The following DPYSL2 variants were observed in gnomAD, a reference collection of about 807,000 sequenced individuals.
DPYSL2 encodes the protein dihydropyrimidinase like 2.
In DPYSL2, 13 loss-of-function variants were observed where a neutral mutation model predicts 69.9. The ratio of observed to expected loss-of-function variants is 0.19; its 90% CI spans 0.12 to 0.30. The LOEUF (loss-of-function observed/expected upper bound fraction) is 0.30. DPYSL2 is among the 10% of genes least tolerant of loss of function. DPYSL2 has a pLI of 1.00. For synonymous variants in DPYSL2, 326 were observed against 359.1 expected, an observed-to-expected ratio of 0.91 and a Z score of 1.04; for missense variants, 587 against 918.9, an observed-to-expected ratio of 0.64 and a Z score of 4.67.
In DPYSL2 at chr8:26,643,347, G is replaced by A. The variant is rs1803094045; in HGVS notation, c.1127-92G>A. 3 of 1,368,642 alleles carry A rather than the reference G, an allele frequency of 2.2e-6. No homozygotes were observed. The highest frequency in any genetic ancestry group is 3.0e-6 in the Non-Finnish European group (3 of 1,005,436). The allele number at this position is 1,368,642 out of a possible 1,614,324, so 84.8% of individuals were successfully genotyped here. ...CCTATAAAGGGATAGTGAGTGCACT[G>A]GGTGCTGCTGGGCAGGCAGTGGCTC... On this transcript the variant is annotated intron_variant, in intron 8 of 13. Coordinates refer to ENST00000521913, the MANE Select transcript of DPYSL2 (RefSeq NM_001197293.3). This position sits in a 1 kb window ranked among gnomAD's most constrained non-coding sequence, Gnocchi z 6.5.
At chr8:26,546,488 ATAAAT>A (rs1800769882) in intron 1 of DPYSL2, among the ~76,000 whole-genome samples, 1 of 152,170 alleles carries the variant, frequency 6.6e-6, no homozygotes, top group Admixed American at 6.5e-5. Flanking sequence ...TCTTTTAAAA[ATAAAT>A]TAGACACCTT....
At position 26,619,330 on chromosome 8, in the gene DPYSL2, C is replaced by T. The variant is rs1802430123; in HGVS notation, c.629-4813C>T. Among the ~76,000 whole-genome samples, 1 of 152,156 alleles carries T rather than the reference C, an allele frequency of 6.6e-6. No homozygotes were observed. Among genetic ancestry groups the T allele is most frequent in the African/African-American group, 2.4e-5 (1 of 41,430 alleles). ...TTGGAGGCATTTCATGGACACGTTT[C>T]TGAGTGTTATGAGCTCTTGAAGGAA... On this transcript the variant is annotated intron_variant, in intron 3 of 13. Transcript: ENST00000521913. The surrounding 1 kb of genome is among the most constrained non-coding windows in gnomAD (Gnocchi z 4.8).
In DPYSL2 at chr8:26,529,233, A is replaced by AATCTATCT. The variant is rs56968092; in HGVS notation, c.354+14590_354+14597dup. On this transcript the variant is annotated intron_variant, in intron 1 of 13. Transcript: ENST00000521913. ...CTGGCCTCATATATATATAAATTTAAATCTATCTATCTATCTATCTATCTA... is the reference window on the plus strand; with the variant it reads ...CTGGCCTCATATATATATAAATTTAAATCTATCTATCTATCTATCTATCTATCTATCTA... 3.5e-3 allele frequency among the ~76,000 whole-genome samples: 510 copies of AATCTATCT among 144,040 alleles called. 4 individuals carry two copies. The highest frequency in any genetic ancestry group is 6.9e-3 in the Middle Eastern group (2 of 290). The allele number at this position is 144,040 out of a possible 152,430, so 94.5% of individuals were successfully genotyped here.
At position 26,517,564 on chromosome 8, in the gene DPYSL2, C is replaced by T. The variant is rs966871109; in HGVS notation, c.354+2885C>T. Among the ~76,000 whole-genome samples the T allele has an allele frequency of 2.0e-5, 3 of 152,220 alleles. No homozygotes were observed. The highest frequency in any genetic ancestry group is 2.9e-5 in the Non-Finnish European group (2 of 68,040). ...AGGCATCTCTGTTGGCCCAATCCCCCCTTGTCAGTGCCCAGGGGTCCTTCA... is the reference window on the plus strand; with the variant it reads ...AGGCATCTCTGTTGGCCCAATCCCCTCTTGTCAGTGCCCAGGGGTCCTTCA... On this transcript the variant is annotated intron_variant, in intron 1 of 13. Transcript: ENST00000521913. This position sits in a 1 kb window ranked among gnomAD's most constrained non-coding sequence, Gnocchi z 4.2.
rs1220038754 is a variant in DPYSL2, at chr8:26,652,463, T to G, written c.1776+27T>G. 1.3e-6 allele frequency: 2 copies of G among 1,578,292 alleles called. No homozygotes were observed. Among genetic ancestry groups the G allele is most frequent in the African/African-American group, 2.7e-5 (2 of 73,436 alleles). On this transcript the variant is annotated intron_variant, in intron 12 of 13. Coordinates refer to ENST00000521913, the MANE Select transcript of DPYSL2 (RefSeq NM_001197293.3). This position sits in a 1 kb window ranked among gnomAD's most constrained non-coding sequence, Gnocchi z 6.3. ...TGAGTAGTTTTGTTCTGATGAATTT[T>G]TTGTTAAATCACGAATTAAGTTCAA...
At chr8:26,520,551 A>G (rs918640209) in intron 1 of DPYSL2, among the ~76,000 whole-genome samples, 1 of 152,080 alleles carries the variant, frequency 6.6e-6, no homozygotes, top group Admixed American at 6.5e-5. Flanking sequence ...TGTGCCCTAA[A>G]TTGCTGACAT....
At chr8:26,616,127 A>G (rs1157706870) in intron 3 of DPYSL2, among the ~76,000 whole-genome samples, 1 of 152,210 alleles carries the variant, frequency 6.6e-6, no homozygotes, top group Non-Finnish European at 1.5e-5. Flanking sequence ...TCTTGTCTAA[A>G]GTCACATGGT....
At chr8:26,522,671 CTT>C (rs1476107728) in intron 1 of DPYSL2, among the ~76,000 whole-genome samples, 1 of 152,044 alleles carries the variant, frequency 6.6e-6, no homozygotes, top group Admixed American at 6.6e-5. Context: ...CTGTTCAAAA[CTT>C]TGTACATTTT....
chr8:26,583,963 C>G lies in DPYSL2; in HGVS notation c.608C>G (p.Ala203Gly). Residue 203 changes from alanine to glycine, a missense_variant, in exon 3 of 14, where the codon GCT becomes GGT. Transcript: ENST00000521913. ...TTCCAAGGAACCAAGGCGGCCCTGG[C>G]TGGGGGAACCACTATGATCAGTAAG... ...DFFQGTKAAL[A>G]GGTTMIIDHV... The G allele has an allele frequency of 6.2e-7, 1 of 1,614,018 alleles. No homozygotes were observed. Among genetic ancestry groups the G allele is most frequent in the East Asian group, 2.2e-5 (1 of 44,864 alleles).
chr8:26,626,681 A>G lies in DPYSL2; in HGVS notation c.855+3A>G, dbSNP rs1802622592. 2 of 1,614,154 alleles carry G rather than the reference A, an allele frequency of 1.2e-6. No individual in the cohort carries two copies. Among genetic ancestry groups the G allele is most frequent in the African/African-American group, 2.7e-5 (2 of 75,054 alleles). ...GCTTCCAGCTAACGGATTGCCAGGT[A>G]AGAAAGTCGGCTTTTCGGAAGAGGC... is the stretch of plus-strand genomic sequence containing the variant. On this transcript the variant is annotated splice_donor_region_variant and intron_variant, in intron 5 of 13. Coordinates refer to ENST00000521913, the MANE Select transcript of DPYSL2 (RefSeq NM_001197293.3). The surrounding 1 kb of genome is among the most constrained non-coding windows in gnomAD (Gnocchi z 4.3).
At chr8:26,535,556 C>T (rs1225043281) in intron 1 of DPYSL2, among the ~76,000 whole-genome samples, 1 of 151,608 alleles carries the variant, frequency 6.6e-6, no homozygotes, top group Non-Finnish European at 1.5e-5. Flanking sequence ...ACAGAGATTG[C>T]AGTGGAAACA....
At position 26,514,300 on chromosome 8, in the gene DPYSL2, G is replaced by A. The variant is rs1295587919; in HGVS notation, c.-26G>A. The A allele has an allele frequency of 7.0e-7, 1 of 1,427,638 alleles. No homozygotes were observed. The highest frequency in any genetic ancestry group is 9.2e-7 in the Non-Finnish European group (1 of 1,092,652). The allele number at this position is 1,427,638 out of a possible 1,614,324, so 88.4% of individuals were successfully genotyped here. A position where few individuals can be genotyped will look rare whatever the true frequency, so the allele number is the denominator to read the frequency against. Reference sequence around the variant, plus strand: ...ACTGGCAGACGGACGGACGGACGGCGAGGACCCTACCCGAGCCCCCGAGCC... The same window carrying A: ...ACTGGCAGACGGACGGACGGACGGCAAGGACCCTACCCGAGCCCCCGAGCC... On this transcript the variant is annotated 5_prime_UTR_variant, in exon 1 of 14. Coordinates refer to ENST00000521913, the MANE Select transcript of DPYSL2 (RefSeq NM_001197293.3). This position sits in a 1 kb window ranked among gnomAD's most constrained non-coding sequence, Gnocchi z 8.4.
intron 3 of DPYSL2, among the ~76,000 whole-genome samples, chr8:26,590,239 C>G (rs1172262433): frequency 6.6e-6 from 1 of 152,200 alleles, no homozygotes; most frequent in Admixed American, 6.5e-5. Context: ...ACAAAATCTG[C>G]CTGTGGCCTG....
In DPYSL2 at chr8:26,588,770, C is replaced by G. The variant is rs555086099; in HGVS notation, c.628+4787C>G. ...ATCCAACTGTCCCCAGTTGGACTCC[C>G]TGTCTGCTCCTTGCTGCTTTTCCGG... On this transcript the variant is annotated intron_variant, in intron 3 of 13. Transcript: ENST00000521913. This position sits in a 1 kb window ranked among gnomAD's most constrained non-coding sequence, Gnocchi z 5.4. Among the ~76,000 whole-genome samples the G allele has an allele frequency of 4.3e-4, 65 of 152,316 alleles. No homozygotes were observed. The highest frequency in any genetic ancestry group is 1.6e-3 in the African/African-American group (65 of 41,574).
rs1801138068 is a variant in DPYSL2, at chr8:26,565,750, G to T, written c.355-16219G>T. Among the ~76,000 whole-genome samples, 1 of 152,188 alleles carries T rather than the reference G, an allele frequency of 6.6e-6. No homozygotes were observed. Among genetic ancestry groups the T allele is most frequent in the Non-Finnish European group, 1.5e-5 (1 of 68,028 alleles). On this transcript the variant is annotated intron_variant, in intron 1 of 13. Coordinates refer to ENST00000521913, the MANE Select transcript of DPYSL2 (RefSeq NM_001197293.3). The surrounding 1 kb of genome is among the most constrained non-coding windows in gnomAD (Gnocchi z 4.1). ...ATAGTTCAAGGTGGGTGTTTCTGTT[G>T]AGTGGGCAGAGAAAGGTACAGGGTC...
Position 26,643,372 on chromosome 8 carries a change from C to T in DPYSL2, c.1127-67C>T. 2 of 1,501,370 alleles carry T rather than the reference C, an allele frequency of 1.3e-6. No homozygotes were observed. Among genetic ancestry groups the T allele is most frequent in the Non-Finnish European group, 1.8e-6 (2 of 1,123,076 alleles). The allele number at this position is 1,501,370 out of a possible 1,614,324, so 93.0% of individuals were successfully genotyped here. A position where few individuals can be genotyped will look rare whatever the true frequency, so the allele number is the denominator to read the frequency against. ...GGGTGCTGCTGGGCAGGCAGTGGCT[C>T]CTCATAGGGGTGGTTCCCTTCCCCC... On this transcript the variant is annotated intron_variant, in intron 8 of 13. Transcript: ENST00000521913. This position sits in a 1 kb window ranked among gnomAD's most constrained non-coding sequence, Gnocchi z 6.5.
rs910053781 is a variant in DPYSL2, at chr8:26,609,040, C to T, written c.629-15103C>T. 6.6e-6 allele frequency among the ~76,000 whole-genome samples: 1 copy of T among 152,202 alleles called. No homozygotes were observed. The highest frequency in any genetic ancestry group is 2.4e-5 in the African/African-American group (1 of 41,452). ...TTTACTCCATGTAATGGGACTGTTG[C>T]TGCAGCTTTTGTACAAGGGTGGAGT... On this transcript the variant is annotated intron_variant, in intron 3 of 13. Transcript: ENST00000521913. This position sits in a 1 kb window ranked among gnomAD's most constrained non-coding sequence, Gnocchi z 6.5.
At chr8:26,578,965 C>T (rs918989892) in intron 1 of DPYSL2, among the ~76,000 whole-genome samples, 1 of 148,438 alleles carries the variant, frequency 6.7e-6, no homozygotes, top group Admixed American at 6.7e-5. Flanking sequence ...GCCCCCCCCC[C>T]GGTTTTCTCG....
intron 1 of DPYSL2, among the ~76,000 whole-genome samples, chr8:26,529,667 C>A (rs1313483902): frequency 6.6e-6 from 1 of 151,222 alleles, no homozygotes; most frequent in East Asian, 1.9e-4. Flanking sequence ...AGTCACATCA[C>A]TAAAACCAAT....
Sources: gnomAD v4.1 joint callset for allele counts (sites outside exome capture counted in the v4.1 genomes callset) on GRCh38, gnomAD v4.1.1 for gene constraint, Gnocchi (gnomAD v3.1) non-coding constraint, MANE v1.5 for transcripts, NCBI Gene and HGNC (gene_info 2026-07-23, HGNC 2026-07-21) for gene names.